Variants in PHF20L1 observed in about 807,000 individuals in gnomAD.
PHF20L1 encodes PHD finger protein 20-like protein 1.
Under a neutral mutation model 125.5 loss-of-function variants are expected in PHF20L1, and 44 were observed. That is an observed-to-expected ratio of 0.35 (90% CI 0.28 to 0.45). The LOEUF (loss-of-function observed/expected upper bound fraction) is 0.45. Ranked by LOEUF, PHF20L1 falls within the 20% of genes least tolerant of loss-of-function variation. The probability of loss-of-function intolerance (pLI) is 1.00; values close to 1 mark genes in which losing one functional copy is unlikely to be tolerated. For missense variants in PHF20L1, 1,012 were observed against 1,217.2 expected, an observed-to-expected ratio of 0.83 and a Z score of 2.51; for synonymous variants, 380 against 403.1, an observed-to-expected ratio of 0.94 and a Z score of 0.69.
chr8:132,803,422 T>C (rs1399994781), intron 6 of PHF20L1: 2 of 159,068 alleles, frequency 1.3e-5, no homozygotes, highest in African/African-American at 4.9e-5. Context: ...CAAGATAGCA[T>C]TTTTCCCTTC....
At chr8:132,816,814 C>T in intron 10 of PHF20L1, 74 bp from the exon 11 acceptor site, 2 of 948,218 alleles carry the variant, frequency 2.1e-6, no homozygotes, top group Non-Finnish European at 3.4e-6. Context: ...CATTTTTTCC[C>T]ATTTATCTCC....
intron 2 of PHF20L1, among the ~76,000 whole-genome samples, chr8:132,780,513 C>G (rs1379582515): frequency 6.6e-6 from 1 of 152,050 alleles, no homozygotes; most frequent in Non-Finnish European, 1.5e-5. Flanking sequence ...TTTCTTTTCT[C>G]CCTCTTCTCC....
chr8:132,804,015 C>T lies in PHF20L1; in HGVS notation c.704C>T (p.Thr235Ile). 6.2e-7 allele frequency: 1 copy of T among 1,605,828 alleles called. No homozygotes were observed. The highest frequency in any genetic ancestry group is 2.2e-5 in the East Asian group (1 of 44,756). The change falls in exon 7 of 21, where the codon ACA becomes ATA. Residue 235 changes from threonine (T) to isoleucine (I), a missense_variant. Coordinates refer to ENST00000395386, the MANE Select transcript of PHF20L1 (RefSeq NM_016018.5). ...PDVEKKEDLP[T>I]SSETFGLHVE... ...GTAGAGAAGAAGGAAGATCTGCCTACATCTAGTGAAACATTTGGTACAAAA... is the reference window on the plus strand; with the variant it reads ...GTAGAGAAGAAGGAAGATCTGCCTATATCTAGTGAAACATTTGGTACAAAA...
intron 4 of PHF20L1, among the ~76,000 whole-genome samples, chr8:132,796,634 A>G (rs935463344): frequency 2.6e-5 from 4 of 152,088 alleles, no homozygotes; most frequent in African/African-American, 9.7e-5. Flanking sequence ...GAGACATCTC[A>G]GTTGTTAGGT....
chr8:132,793,698 A>G (rs1470133305), intron 2 of PHF20L1, among the ~76,000 whole-genome samples: 1 of 152,216 alleles, frequency 6.6e-6, no homozygotes. Flanking sequence ...CAGAATTACC[A>G]CATGTGAAGA....
intron 15 of PHF20L1, among the ~76,000 whole-genome samples, chr8:132,835,286 C>T (rs1305749294): frequency 6.6e-6 from 1 of 152,068 alleles, no homozygotes; most frequent in Non-Finnish European, 1.5e-5. Context: ...GAAGAGATAA[C>T]TCAGAATGTG....
intron 2 of PHF20L1, among the ~76,000 whole-genome samples, chr8:132,784,109 C>T (rs1434093691): frequency 6.6e-6 from 1 of 152,160 alleles, no homozygotes; most frequent in Non-Finnish European, 1.5e-5. Flanking sequence ...GAAAGCTTCC[C>T]TCTACCCCTC....
chr8:132,844,440 T>A (rs1838238579), intron 20 of PHF20L1, 122 bp downstream of exon 20: 1 of 684,562 alleles, frequency 1.5e-6, no homozygotes, highest in African/African-American at 1.8e-5. Context: ...CCGATGGGGC[T>A]TTATTACTCC....
chr8:132,834,525 G>C (rs1345879645), intron 15 of PHF20L1, among the ~76,000 whole-genome samples: 1 of 151,900 alleles, frequency 6.6e-6, no homozygotes, highest in Non-Finnish European at 1.5e-5. Flanking sequence ...GTAGAGATGA[G>C]GGCTTGCTTT....
At chr8:132,839,342 G>T in intron 17 of PHF20L1, 45 bp from the exon 18 acceptor site, 2 of 1,456,032 alleles carry the variant, frequency 1.4e-6, no homozygotes, top group East Asian at 2.3e-5. Context: ...TGAAAAATCC[G>T]AGTAAGTGCA....
chr8:132,797,472 C>T (rs1488691224), intron 4 of PHF20L1, among the ~76,000 whole-genome samples: 1 of 151,876 alleles, frequency 6.6e-6, no homozygotes, highest in Non-Finnish European at 1.5e-5. Context: ...GAGGAAATAG[C>T]ATGAGCAAAG....
At chr8:132,839,650 GCCT>G in intron 18 of PHF20L1, 68 bp downstream of exon 18, 1 of 1,072,580 alleles carries the variant, frequency 9.3e-7, no homozygotes, top group Non-Finnish European at 1.4e-6. Flanking sequence ...AACACTGTTG[GCCT>G]TTTGATGGTC....
At chr8:132,825,067 A>C (rs1226420996) in intron 13 of PHF20L1, 197 bp from the exon 14 acceptor site, 7 of 1,488,392 alleles carry the variant, frequency 4.7e-6, no homozygotes, top group Non-Finnish European at 6.4e-6. Flanking sequence ...AGCACTGCTA[A>C]TGAAGATCCC....
chr8:132,784,422 C>G (rs1392553788), intron 2 of PHF20L1, among the ~76,000 whole-genome samples: 2 of 152,100 alleles, frequency 1.3e-5, no homozygotes, highest in Admixed American at 1.3e-4. Context: ...GAAAGTCTTA[C>G]AGTTTAGATG....
intron 2 of PHF20L1, among the ~76,000 whole-genome samples, chr8:132,786,479 AATAG>A (rs1398672500): frequency 6.6e-6 from 1 of 152,182 alleles, no homozygotes; most frequent in Non-Finnish European, 1.5e-5. Flanking sequence ...TTAAGAAAAA[AATAG>A]ATAACTTGAT....
intron 1 of PHF20L1, among the ~76,000 whole-genome samples, chr8:132,776,463 A>G (rs1829782024): frequency 6.6e-6 from 1 of 152,072 alleles, no homozygotes; most frequent in African/African-American, 2.4e-5. Context: ...ATATTCATAC[A>G]TTTGTTCTTT....
Position 132,842,568 on chromosome 8 carries a change from A to C in PHF20L1, c.2441A>C (p.Asp814Ala). Residue 814 changes from aspartate (D) to alanine (A), a missense_variant, in exon 19 of 21, where the codon GAC (aspartate) becomes GCC (alanine). Physicochemically the swap from Asp to Ala is moderately radical, Grantham distance 126 (BLOSUM62 -2). Transcript: ENST00000395386. Reference protein sequence around the residue: ...HLWACSGKRKDQDQIIAGVEK... With the variant: ...HLWACSGKRKAQDQIIAGVEK... ...TGGGCTTGTTCCGGGAAGCGAAAAG[A>C]CCAAGATCAAATAATAGCTGGGGTG... The C allele has an allele frequency of 6.2e-7, 1 of 1,612,524 alleles. No individual in the cohort carries two copies. Among genetic ancestry groups the C allele is most frequent in the Non-Finnish European group, 8.5e-7 (1 of 1,179,372 alleles).
At chr8:132,835,409 T>G (rs1837245976) in intron 15 of PHF20L1, among the ~76,000 whole-genome samples, 1 of 152,120 alleles carries the variant, frequency 6.6e-6, no homozygotes, top group Non-Finnish European at 1.5e-5. Context: ...TTTCCTAACA[T>G]TTCTCCATCC....
intron 8 of PHF20L1, chr8:132,807,728 GACC>G (rs1172028634): frequency 2.2e-6 from 1 of 455,806 alleles, no homozygotes; most frequent in African/African-American, 2.0e-5. Context: ...GGCAGGAAGA[GACC>G]AGCTGTGTAT....
Sources: allele counts gnomAD v4.1 joint callset (sites outside exome capture counted in the v4.1 genomes callset), GRCh38; gene constraint gnomAD v4.1.1; transcripts MANE v1.5; gene names NCBI Gene and HGNC (gene_info 2026-07-23, HGNC 2026-07-21).